COMMD10: variants seen among roughly 807,000 people sequenced by gnomAD.
COMMD10 encodes the protein COMM domain containing 10.
COMMD10 carries 33 observed loss-of-function variants against 28.9 expected under a neutral mutation model. The observed-to-expected ratio is 1.14, with a 90% CI of 0.87 to 1.53. The LOEUF (loss-of-function observed/expected upper bound fraction) is 1.53. COMMD10 is among the 40% of genes most tolerant of loss of function. COMMD10 has a pLI of 0.00. For synonymous variants in COMMD10, 110 were observed against 81.7 expected (o/e 1.35, Z -1.87); for missense variants, 310 against 233.4 (o/e 1.33, Z -2.14).
Position 116,204,927 on chromosome 5 carries a change from C to G in COMMD10, c.510+70749C>G, listed in dbSNP as rs143181169. Among the ~76,000 whole-genome samples, 1,085 of 152,188 alleles carry G rather than the reference C, an allele frequency of 7.1e-3. 17 individuals carry two copies. The highest frequency in any genetic ancestry group is 0.025 in the African/African-American group (1,040 of 41,532). ...TGGAAGAGTATCTAAAGGATATAGT[C>G]TGATCACTCTCTACCTCCCATGGTA... On this transcript the variant is annotated intron_variant, in intron 5 of 6. Coordinates refer to ENST00000274458, the MANE Select transcript of COMMD10 (RefSeq NM_016144.4).
intron 5 of COMMD10, among the ~76,000 whole-genome samples, chr5:116,181,110 C>T (rs1157876718): frequency 6.6e-6 from 1 of 152,026 alleles, no homozygotes; most frequent in African/African-American, 2.4e-5. Flanking sequence ...TGCCACTGTA[C>T]TTCAGCCTGG....
intron 5 of COMMD10, among the ~76,000 whole-genome samples, chr5:116,173,269 C>T (rs1052370611): frequency 1.3e-5 from 2 of 152,074 alleles, no homozygotes; most frequent in African/African-American, 4.8e-5. Flanking sequence ...CTAAGTTATA[C>T]TTCCTCTAGC....
At chr5:116,171,679 C>T (rs886963909) in intron 5 of COMMD10, among the ~76,000 whole-genome samples, 3 of 152,072 alleles carry the variant, frequency 2.0e-5, no homozygotes, top group African/African-American at 7.2e-5. Flanking sequence ...TCCTTTGCAG[C>T]ATCATGGATG....
intron 5 of COMMD10, among the ~76,000 whole-genome samples, chr5:116,177,037 A>G (rs1753536942): frequency 6.6e-6 from 1 of 152,134 alleles, no homozygotes. Flanking sequence ...GCAGGAAACA[A>G]TCTTTTGGGG....
intron 5 of COMMD10, among the ~76,000 whole-genome samples, chr5:116,203,454 T>A (rs1279423477): frequency 2.0e-5 from 3 of 151,072 alleles, no homozygotes; most frequent in Non-Finnish European, 4.4e-5. Context: ...TCACCAAAGT[T>A]GCAATGAAGG....
chr5:116,284,335 T>A (rs1353973293), intron 5 of COMMD10, among the ~76,000 whole-genome samples: 2 of 120,790 alleles, frequency 1.7e-5, no homozygotes, highest in South Asian at 2.4e-4. Flanking sequence ...TATGTGTGTG[T>A]GTATGTATGT....
At chr5:116,163,524 G>A (rs1420270234) in intron 5 of COMMD10, among the ~76,000 whole-genome samples, 1 of 151,744 alleles carries the variant, frequency 6.6e-6, no homozygotes, top group African/African-American at 2.4e-5. Flanking sequence ...GGGAAGTAGA[G>A]GTTTCGGTGA....
At chr5:116,124,964 G>T (rs1429965246) in intron 4 of COMMD10, among the ~76,000 whole-genome samples, 1 of 152,088 alleles carries the variant, frequency 6.6e-6, no homozygotes, top group African/African-American at 2.4e-5. Flanking sequence ...GTGTGTCTCT[G>T]CACGTGAAGT....
chr5:116,101,619 G>T (rs979486043), intron 4 of COMMD10, among the ~76,000 whole-genome samples: 2 of 152,030 alleles, frequency 1.3e-5, no homozygotes, highest in Non-Finnish European at 2.9e-5. Context: ...TAGAGATGGG[G>T]TTTCACCATG....
At chr5:116,244,022 A>C (rs1269195047) in intron 5 of COMMD10, among the ~76,000 whole-genome samples, 1 of 152,132 alleles carries the variant, frequency 6.6e-6, no homozygotes, top group Non-Finnish European at 1.5e-5. Flanking sequence ...GTTTCTACTA[A>C]AGATGTCTAT....
intron 5 of COMMD10, among the ~76,000 whole-genome samples, chr5:116,243,853 A>T (rs1277008747): frequency 6.6e-6 from 1 of 152,128 alleles, no homozygotes; most frequent in Non-Finnish European, 1.5e-5. Flanking sequence ...CTTGAACCAC[A>T]TCAAGGCAGT....
At chr5:116,146,959 T>C (rs373380853) in intron 5 of COMMD10, among the ~76,000 whole-genome samples, 4 of 151,920 alleles carry the variant, frequency 2.6e-5, no homozygotes, top group Non-Finnish European at 4.4e-5. Flanking sequence ...AGAAATGCCA[T>C]GTCCATATTT....
chr5:116,111,216 C>G (rs761848584), intron 4 of COMMD10, among the ~76,000 whole-genome samples: 3 of 151,950 alleles, frequency 2.0e-5, no homozygotes, highest in Non-Finnish European at 4.4e-5. Flanking sequence ...TTTTAAAGAA[C>G]GAGCTTTTTG....
chr5:116,241,712 T>C (rs1561387797), intron 5 of COMMD10, among the ~76,000 whole-genome samples: 1 of 152,052 alleles, frequency 6.6e-6, no homozygotes, highest in East Asian at 1.9e-4. Flanking sequence ...TCCCGGGTTC[T>C]CGCCATTCTT....
chr5:116,232,650 C>T (rs1361224453), intron 5 of COMMD10, among the ~76,000 whole-genome samples: 1 of 151,876 alleles, frequency 6.6e-6, no homozygotes, highest in African/African-American at 2.4e-5. Flanking sequence ...TTGCAGTGAG[C>T]CAGGATCACA....
intron 5 of COMMD10, among the ~76,000 whole-genome samples, chr5:116,265,102 T>C (rs1167465189): frequency 1.3e-5 from 2 of 151,792 alleles, no homozygotes; most frequent in East Asian, 1.9e-4. Context: ...AATAACACAA[T>C]TTTGCATTAT....
intron 5 of COMMD10, among the ~76,000 whole-genome samples, chr5:116,211,150 TTATG>T (rs1177238882): frequency 2.0e-5 from 3 of 152,130 alleles, no homozygotes; most frequent in African/African-American, 7.2e-5. Flanking sequence ...ATAATTATGT[TTATG>T]TGTGTGTTTA....
At chr5:116,208,369 G>A (rs1439143142) in intron 5 of COMMD10, among the ~76,000 whole-genome samples, 1 of 151,932 alleles carries the variant, frequency 6.6e-6, no homozygotes, top group African/African-American at 2.4e-5. Flanking sequence ...ATCACTTCTT[G>A]GAAGCTTCCT....
intron 5 of COMMD10, among the ~76,000 whole-genome samples, chr5:116,216,066 A>G (rs1364837101): frequency 6.6e-6 from 1 of 152,152 alleles, no homozygotes; most frequent in Non-Finnish European, 1.5e-5. Flanking sequence ...AAGTAAAACA[A>G]TCCAGACCAT....
Sources: gnomAD v4.1 joint callset for allele counts (sites outside exome capture counted in the v4.1 genomes callset) on GRCh38, gnomAD v4.1.1 for gene constraint, MANE v1.5 for transcripts, NCBI Gene and HGNC (gene_info 2026-07-23, HGNC 2026-07-21) for gene names.